NOTCH3: variants seen among roughly 807,000 people sequenced by gnomAD.
NOTCH3 encodes notch receptor 3.
Under a neutral mutation model 213.3 loss-of-function variants are expected in NOTCH3, and 86 were observed. The ratio of observed to expected loss-of-function variants is 0.40; its 90% CI spans 0.34 to 0.48. The LOEUF (loss-of-function observed/expected upper bound fraction) is 0.48. Ranked by LOEUF, NOTCH3 falls within the 20% of genes least tolerant of loss-of-function variation. The pLI is 0.57. For synonymous variants in NOTCH3, 1,354 were observed against 1,355.9 expected, an observed-to-expected ratio of 1.00 and a Z score of 0.03; for missense variants, 2,783 against 3,272.6, an observed-to-expected ratio of 0.85 and a Z score of 3.65.
chr19:15,161,172 G>A lies in NOTCH3; in HGVS notation c.6456C>T (p.Pro2152=). 6.5e-7 allele frequency: 1 copy of A among 1,539,348 alleles called. No homozygotes were observed. Among genetic ancestry groups the A allele is most frequent in the Non-Finnish European group, 8.7e-7 (1 of 1,148,728 alleles). The part of the protein sequence containing the change: ...GPGRAGLGRQ[P]PGGCVLSLGL... ...CCAGGCTGAGTACACATCCTCCAGG[G>A]GGCTGGCGCCCTAGACCCGCCCGGC... The change falls in exon 33 of 33, where the codon CCC becomes CCT. Residue 2152 remains proline, a synonymous_variant. Transcript: ENST00000263388.
Position 15,171,094 on chromosome 19 carries a change from T to C in NOTCH3, c.4737-269A>G, listed in dbSNP as rs1018121324. On this transcript the variant is annotated intron_variant, in intron 25 of 32. Transcript: ENST00000263388. ...GAGGCTGGAGTGCAGTGGTGCGATCTCGGCTCACTGCAACTTCCCCTCCTG... is the reference window on the plus strand; with the variant it reads ...GAGGCTGGAGTGCAGTGGTGCGATCCCGGCTCACTGCAACTTCCCCTCCTG... Among the ~76,000 whole-genome samples the C allele has an allele frequency of 2.6e-5, 4 of 152,342 alleles. No homozygotes were observed. In the South Asian group the frequency reaches 8.3e-4, roughly 32 times the overall value.
chr19:15,164,207 A>T (rs977552334), intron 31 of NOTCH3, among the ~76,000 whole-genome samples: 1 of 143,328 alleles, frequency 7.0e-6, no homozygotes, highest in African/African-American at 2.7e-5. Context: ...CATGTTAATT[A>T]TATCTCAATA....
chr19:15,178,683 C>T (rs2046812417), intron 23 of NOTCH3, 140 bp downstream of exon 23: 4 of 717,420 alleles, frequency 5.6e-6, no homozygotes, highest in South Asian at 1.5e-5. Flanking sequence ...CCACACCCGG[C>T]GGAAATGTCA....
intron 1 of NOTCH3, among the ~76,000 whole-genome samples, chr19:15,200,327 G>GC (rs941460893): frequency 1.3e-5 from 2 of 150,688 alleles, no homozygotes; most frequent in African/African-American, 4.9e-5. Context: ...AGAACTTCGC[G>GC]CCCCCTCCCC....
At chr19:15,178,704 G>C in intron 23 of NOTCH3, 119 bp downstream of exon 23, 3 of 786,366 alleles carry the variant, frequency 3.8e-6, no homozygotes, top group Non-Finnish European at 6.6e-6. Flanking sequence ...GCATTTTCCA[G>C]AAACTCCCTT....
rs2145414271 is a variant in NOTCH3, at chr19:15,177,545, A to G, written c.4383T>C (p.Gly1461=). The change falls in exon 24 of 33, where the codon GGT becomes GGC. Residue 1461 remains glycine (G), a synonymous_variant. Coordinates refer to ENST00000263388, the MANE Select transcript of NOTCH3 (RefSeq NM_000435.3). ...CTCACTTGCAAGTGCGCTCGCGGCC[A>G]CCGGCGTGGCAGTCGAAGTTGTCGT... is the stretch of plus-strand genomic sequence containing the variant. The part of the protein sequence containing the change: ...CLYDNFDCHA[G]GRERTCNPVY... 1 of 1,610,386 alleles carries G rather than the reference A, an allele frequency of 6.2e-7. No homozygotes were observed. Among genetic ancestry groups the G allele is most frequent in the East Asian group, 2.2e-5 (1 of 44,710 alleles).
At chr19:15,191,310 G>T in intron 6 of NOTCH3, 114 bp downstream of exon 6, 1 of 971,074 alleles carries the variant, frequency 1.0e-6, no homozygotes, top group Non-Finnish European at 1.6e-6. Flanking sequence ...TATGATTACA[G>T]GCATGAGCCA....
At chr19:15,174,619 C>T (rs769301653) in intron 24 of NOTCH3, among the ~76,000 whole-genome samples, 101 of 151,050 alleles carry the variant, frequency 6.7e-4, no homozygotes, top group Non-Finnish European at 8.5e-4. Flanking sequence ...TCGCCCAGGC[C>T]GGAATGCAGT....
At position 15,165,502 on chromosome 19, in the gene NOTCH3, T is replaced by C; in HGVS notation, c.5681A>G (p.Asn1894Ser). 6.2e-7 allele frequency: 1 copy of C among 1,612,248 alleles called. No homozygotes were observed. Among genetic ancestry groups the C allele is most frequent in the Non-Finnish European group, 8.5e-7 (1 of 1,180,000 alleles). The change falls in exon 31 of 33, where the codon AAC becomes AGC. Residue 1894 changes from asparagine (N) to serine (S), a missense_variant. Around this residue, in one of 6 missense-constraint regions of NOTCH3, gnomAD observed 636 missense variants for 801.8 expected, o/e 0.79. Transcript: ENST00000263388. This position sits in a 1 kb window ranked among gnomAD's most constrained non-coding sequence, Gnocchi z 4.7. Reference protein sequence around the residue: ...AQGVFQILIRNRSTDLDARMA... With the variant: ...AQGVFQILIRSRSTDLDARMA... Reference sequence around the variant, plus strand: ...GCGGGCATCCAAGTCTGTAGAGCGGTTTCGGATGAGAATCTAGGACAGAGA... The same window carrying C: ...GCGGGCATCCAAGTCTGTAGAGCGGCTTCGGATGAGAATCTAGGACAGAGA...
chr19:15,186,184 G>A lies in NOTCH3; in HGVS notation c.1952-505C>T, dbSNP rs751611563. On this transcript the variant is annotated intron_variant, in intron 12 of 32. Transcript: ENST00000263388. ...TCATTATGTTGCCCAGGCTAGTCTC[G>A]AACTCCTGGGCTCAAGTGATCCTCA... Among the ~76,000 whole-genome samples the A allele has an allele frequency of 5.9e-5, 9 of 151,712 alleles. 1 individual carries two copies. The highest frequency in any genetic ancestry group is 1.5e-4 in the African/African-American group (6 of 41,360).
In NOTCH3 at chr19:15,187,227, C is replaced by T. The variant is rs2145433071; in HGVS notation, c.1718G>A (p.Gly573Asp). 1 of 1,614,122 alleles carries T rather than the reference C, an allele frequency of 6.2e-7. No individual in the cohort carries two copies. Among genetic ancestry groups the T allele is most frequent in the South Asian group, 1.1e-5 (1 of 91,086 alleles). Residue 573 changes from glycine to aspartate, a missense_variant, in exon 11 of 33, where the codon GGC becomes GAC. Transcript: ENST00000263388. ...GCTCTCGCAGCGTGTGCCCGTGTAG[C>T]CAGGAGCACAGGCACATGAGAAGCT... ...IASFSCACAPGYTGTRCESQV... is the reference protein window; with the variant it reads ...IASFSCACAPDYTGTRCESQV...
rs764678789 is a variant in NOTCH3 at position 15,187,087 on chromosome 19, C to T, written c.1840+18G>A. On this transcript the variant is annotated intron_variant, in intron 11 of 32. Coordinates refer to ENST00000263388, the MANE Select transcript of NOTCH3 (RefSeq NM_000435.3). Reference sequence around the variant, plus strand: ...GCCCCTCCAGGTGTGCTGTTTCTGCCCCAGCCCCCGGTCCCACCTGTGGTC... The same window carrying T: ...GCCCCTCCAGGTGTGCTGTTTCTGCTCCAGCCCCCGGTCCCACCTGTGGTC... The T allele has an allele frequency of 1.7e-5, 27 of 1,610,976 alleles. No homozygotes were observed. The highest frequency in any genetic ancestry group is 4.0e-5 in the African/African-American group (3 of 74,826).
rs1289732085 is a variant in NOTCH3 at position 15,184,939 on chromosome 19, G to A, written c.2377C>T (p.Leu793=). The A allele has an allele frequency of 4.5e-6, 7 of 1,549,854 alleles. No homozygotes were observed. Among genetic ancestry groups the A allele is most frequent in the South Asian group, 2.4e-5 (2 of 83,896 alleles). The change falls in exon 15 of 33, where the codon CTG becomes TTG. Residue 793 remains leucine, a synonymous_variant. Coordinates refer to ENST00000263388, the MANE Select transcript of NOTCH3 (RefSeq NM_000435.3). ...CCCTGGGGGCAGGAGCAGACAGGCA[G>A]CTGGCCAGGGGCAGACTCGCAGCGG... is the stretch of plus-strand genomic sequence containing the variant. ...GGRCESAPGQ[L]PVCSCPQGWQ...
In NOTCH3 at chr19:15,161,296, A is replaced by G; in HGVS notation, c.6332T>C (p.Phe2111Ser). The G allele has an allele frequency of 6.5e-7, 1 of 1,533,696 alleles. No individual in the cohort carries two copies. Reference protein sequence around the residue: ...PVDSLDSPRPFGGPPASPGGF... With the variant: ...PVDSLDSPRPSGGPPASPGGF... ...ACCAGGGGAAGCAGGGGGCCCACCGAAAGGCCGCGGGGAGTCCAGCGAGTC... is the reference window on the plus strand; with the variant it reads ...ACCAGGGGAAGCAGGGGGCCCACCGGAAGGCCGCGGGGAGTCCAGCGAGTC... Residue 2111 changes from phenylalanine to serine, a missense_variant, in exon 33 of 33, where the codon TTC becomes TCC. This residue lies in a region of NOTCH3 where 441 missense variants were observed against 432.1 expected (regional missense o/e 1.02). Coordinates refer to ENST00000263388, the MANE Select transcript of NOTCH3 (RefSeq NM_000435.3).
Position 15,191,106 on chromosome 19 carries a change from T to C in NOTCH3, c.1036+318A>G, listed in dbSNP as rs187239175. On this transcript the variant is annotated intron_variant, in intron 6 of 32. Coordinates refer to ENST00000263388, the MANE Select transcript of NOTCH3 (RefSeq NM_000435.3). Reference sequence around the variant, plus strand: ...TAGAGTGCAGTGGTGCAATCTTGGCTCACTGCAATCTCCACCTCCTGGGTT... The same window carrying C: ...TAGAGTGCAGTGGTGCAATCTTGGCCCACTGCAATCTCCACCTCCTGGGTT... 2.0e-4 allele frequency among the ~76,000 whole-genome samples: 31 copies of C among 151,454 alleles called. No individual in the cohort carries two copies. In the East Asian group the frequency reaches 5.5e-3, roughly 27 times the overall value.
rs1381995133 is a variant in NOTCH3 at position 15,160,991 on chromosome 19, C to A, written c.6637G>T (p.Ala2213Ser). Residue 2213 changes from alanine (A) to serine (S), a missense_variant, in exon 33 of 33, where the codon GCA (alanine) becomes TCA (serine). Around this residue, in one of 6 missense-constraint regions of NOTCH3, gnomAD observed 441 missense variants for 432.1 expected, o/e 1.02. Transcript: ENST00000263388. ...TACTCCTCGCCATGTCCTGGGACTGCCAGGTAAGGCGGGGGCCGCTCCTGC... is the reference window on the plus strand; with the variant it reads ...TACTCCTCGCCATGTCCTGGGACTGACAGGTAAGGCGGGGGCCGCTCCTGC... The part of the protein sequence containing the change: ...SPQERPPPYL[A>S]VPGHGEEYPA... The A allele has an allele frequency of 6.4e-7, 1 of 1,556,702 alleles. No individual in the cohort carries two copies. Among genetic ancestry groups the A allele is most frequent in the Non-Finnish European group, 8.7e-7 (1 of 1,151,670 alleles).
At chr19:15,178,146 A>T in intron 23 of NOTCH3, 56 bp from the exon 24 acceptor site, 1 of 1,101,894 alleles carries the variant, frequency 9.1e-7, no homozygotes, top group South Asian at 1.4e-5. Context: ...AGTGGAGGGA[A>T]GGAGGAGAAG....
Position 15,192,224 on chromosome 19 carries a change from C to T in NOTCH3, c.415G>A (p.Asp139Asn), listed in dbSNP as rs777257132. ...AHGARCSVGPDGRFLCSCPPG... is the reference protein window; with the variant it reads ...AHGARCSVGPNGRFLCSCPPG... Reference sequence around the variant, plus strand: ...GGGCAGGAGCAGAGGAAGCGTCCATCGGGCCCCACTGAGCAGCGGGCACCG... The same window carrying T: ...GGGCAGGAGCAGAGGAAGCGTCCATTGGGCCCCACTGAGCAGCGGGCACCG... The change falls in exon 4 of 33, where the codon GAT becomes AAT. Residue 139 changes from aspartate to asparagine, a missense_variant. This residue lies in a region of NOTCH3 where 708 missense variants were observed against 906.6 expected (regional missense o/e 0.78). Coordinates refer to ENST00000263388, the MANE Select transcript of NOTCH3 (RefSeq NM_000435.3). 112 of 1,608,160 alleles carry T rather than the reference C, an allele frequency of 7.0e-5. No homozygotes were observed. Among genetic ancestry groups the T allele is most frequent in the Non-Finnish European group, 9.2e-5 (108 of 1,177,896 alleles).
At chr19:15,180,849 G>A in intron 18 of NOTCH3, 21 bp from the exon 19 acceptor site, 4 of 1,612,008 alleles carry the variant, frequency 2.5e-6, no homozygotes, top group Middle Eastern at 1.6e-4. Flanking sequence ...AGCACTCAGA[G>A]TCAGTACTGT....
Sources: gnomAD v4.1 joint callset for allele counts (sites outside exome capture counted in the v4.1 genomes callset) on GRCh38, gnomAD v4.1.1 for gene constraint, gnomAD v4.1.1 regional missense constraint, Gnocchi (gnomAD v3.1) non-coding constraint, MANE v1.5 for transcripts, NCBI Gene and HGNC (gene_info 2026-07-23, HGNC 2026-07-21) for gene names.